Variants in TANC2 observed in about 807,000 individuals in gnomAD.
The protein encoded by TANC2 is protein TANC2.
A neutral mutation model predicts 210.5 loss-of-function variants in TANC2; 26 were observed. The ratio of observed to expected loss-of-function variants is 0.12; its 90% CI spans 0.09 to 0.17. The LOEUF (loss-of-function observed/expected upper bound fraction) is 0.17. TANC2 is among the 10% of genes least tolerant of loss of function. TANC2 has a pLI of 1.00. For synonymous variants in TANC2, 931 were observed against 967.1 expected (o/e 0.96, Z 0.69); for missense variants, 2,129 against 2,608.9 (o/e 0.82, Z 4.01).
chr17:63,332,280 CTT>C (rs771652637), intron 11 of TANC2: 2 of 333,842 alleles, frequency 6.0e-6, no homozygotes, highest in Non-Finnish European at 1.2e-5. Context: ...TTCCACCTCT[CTT>C]CTGTTTTTTC....
At chr17:62,973,435 C>T (rs908385371) in intron 1 of TANC2, among the ~76,000 whole-genome samples, 1 of 152,162 alleles carries the variant, frequency 6.6e-6, no homozygotes, top group Non-Finnish European at 1.5e-5. Flanking sequence ...ATAGTTAGTA[C>T]ATAGTAGGTG....
At position 63,307,221 on chromosome 17, in the gene TANC2, C is replaced by T. The variant is rs1412409382; in HGVS notation, c.1160-7167C>T. 1.9e-4 allele frequency among the ~76,000 whole-genome samples: 29 copies of T among 152,064 alleles called. 1 individual carries two copies. Among genetic ancestry groups the T allele is most frequent in the Admixed American group, 1.9e-3 (29 of 15,270 alleles). On this transcript the variant is annotated intron_variant, in intron 9 of 27. Transcript: ENST00000689528. ...TTTTGCGTAGGGGAGTGATATGGTC[C>T]TTTTATCATCAGACAGGCCCAGTTC...
intron 9 of TANC2, among the ~76,000 whole-genome samples, chr17:63,285,885 C>T (rs1053963635): frequency 6.6e-6 from 1 of 152,056 alleles, no homozygotes; most frequent in Admixed American, 6.5e-5. Flanking sequence ...TGTTTAGGTA[C>T]AATGAGCCGT....
At chr17:63,198,052 G>A (rs2041404246) in intron 6 of TANC2, among the ~76,000 whole-genome samples, 1 of 152,146 alleles carries the variant, frequency 6.6e-6, no homozygotes, top group Non-Finnish European at 1.5e-5. Context: ...AAATAAGTAA[G>A]TGCTGTTTGG....
At chr17:63,098,537 A>G (rs1419065590) in intron 3 of TANC2, among the ~76,000 whole-genome samples, 1 of 145,168 alleles carries the variant, frequency 6.9e-6, no homozygotes, top group Non-Finnish European at 1.5e-5. Context: ...ATATATATGT[A>G]AAAATTTATA....
At chr17:63,371,893 C>T (rs919370326) in intron 14 of TANC2, among the ~76,000 whole-genome samples, 3 of 152,148 alleles carry the variant, frequency 2.0e-5, no homozygotes, top group Non-Finnish European at 4.4e-5. Flanking sequence ...CCTTGTAACC[C>T]GTAGTTATCC....
intron 5 of TANC2, among the ~76,000 whole-genome samples, chr17:63,160,373 C>G (rs2039986123): frequency 6.6e-6 from 1 of 152,084 alleles, no homozygotes; most frequent in African/African-American, 2.4e-5. Flanking sequence ...GACCCCATCG[C>G]TACACAAAAT....
At chr17:62,991,840 C>A (rs1429054329) in intron 1 of TANC2, among the ~76,000 whole-genome samples, 1 of 151,922 alleles carries the variant, frequency 6.6e-6, no homozygotes, top group Non-Finnish European at 1.5e-5. Flanking sequence ...GACCCTAAAG[C>A]CTTGATTTTC....
intron 4 of TANC2, among the ~76,000 whole-genome samples, chr17:63,116,178 A>G (rs2038243478): frequency 6.6e-6 from 1 of 152,242 alleles, no homozygotes; most frequent in South Asian, 2.1e-4. Context: ...GAACAATTTC[A>G]TATAGAACTA....
chr17:62,999,994 A>C (rs555291113), intron 1 of TANC2, among the ~76,000 whole-genome samples: 3 of 152,354 alleles, frequency 2.0e-5, no homozygotes, highest in African/African-American at 7.2e-5. Context: ...ACAGAAAACA[A>C]TTACTTTATG....
At chr17:63,047,768 C>T (rs2035437552) in intron 2 of TANC2, among the ~76,000 whole-genome samples, 1 of 151,876 alleles carries the variant, frequency 6.6e-6, no homozygotes, top group East Asian at 1.9e-4. Flanking sequence ...GACGGAGACC[C>T]CTAAAACAAA....
intron 2 of TANC2, among the ~76,000 whole-genome samples, chr17:63,064,734 C>T (rs1302979834): frequency 6.6e-6 from 1 of 151,618 alleles, no homozygotes; most frequent in Non-Finnish European, 1.5e-5. Flanking sequence ...TCTTTATATA[C>T]TGTTTATTGT....
chr17:63,092,112 G>T (rs1332675851), intron 3 of TANC2, among the ~76,000 whole-genome samples: 1 of 152,112 alleles, frequency 6.6e-6, no homozygotes, highest in Non-Finnish European at 1.5e-5. Flanking sequence ...TCTGTTGCAT[G>T]TATATGTCAC....
chr17:63,410,797 G>A (rs2048672194), intron 21 of TANC2, among the ~76,000 whole-genome samples: 1 of 141,044 alleles, frequency 7.1e-6, no homozygotes, highest in East Asian at 2.2e-4. Context: ...GGAGGTGGAG[G>A]TTGCAGTGAG....
chr17:63,201,742 A>G (rs984272810), intron 7 of TANC2, among the ~76,000 whole-genome samples: 5 of 152,046 alleles, frequency 3.3e-5, no homozygotes, highest in Admixed American at 2.0e-4. Flanking sequence ...GATAAAGGCA[A>G]TGCTGATTGG....
chr17:63,024,203 T>G (rs1266257438), intron 2 of TANC2, among the ~76,000 whole-genome samples: 1 of 152,108 alleles, frequency 6.6e-6, no homozygotes, highest in African/African-American at 2.4e-5. Context: ...GTCCATAGAT[T>G]AGAGTGAAAG....
chr17:63,027,776 A>G (rs900547670), intron 2 of TANC2, among the ~76,000 whole-genome samples: 4 of 152,142 alleles, frequency 2.6e-5, no homozygotes, highest in Non-Finnish European at 5.9e-5. Flanking sequence ...TACAGCAATC[A>G]TAGACTCTTT....
At chr17:62,987,378 A>G (rs926886816) in intron 1 of TANC2, among the ~76,000 whole-genome samples, 1 of 152,186 alleles carries the variant, frequency 6.6e-6, no homozygotes, top group African/African-American at 2.4e-5. Flanking sequence ...GTCTCAGGAT[A>G]GCACCATGTT....
intron 13 of TANC2, among the ~76,000 whole-genome samples, chr17:63,353,126 G>A (rs2046669343): frequency 6.6e-6 from 1 of 152,120 alleles, no homozygotes; most frequent in Non-Finnish European, 1.5e-5. Context: ...TAAAATGTAA[G>A]GGATAAAGAG....
Sources: gnomAD v4.1 joint callset for allele counts (sites outside exome capture counted in the v4.1 genomes callset) on GRCh38, gnomAD v4.1.1 for gene constraint, MANE v1.5 for transcripts, NCBI Gene and HGNC (gene_info 2026-07-23, HGNC 2026-07-21) for gene names.